Variants in ARHGAP29 observed in about 807,000 individuals in gnomAD.
ARHGAP29 encodes Rho GTPase activating protein 29.
Under a neutral mutation model 122.6 loss-of-function variants are expected in ARHGAP29, and 43 were observed. The ratio of observed to expected loss-of-function variants is 0.35; its 90% confidence interval spans 0.27 to 0.45. The LOEUF (loss-of-function observed/expected upper bound fraction) is 0.45. ARHGAP29 is among the 20% of genes least tolerant of loss of function. The pLI is 1.00. For missense variants in ARHGAP29, 1,303 were observed against 1,477.2 expected (o/e 0.88, Z 1.93); for synonymous variants, 506 against 497.1 (o/e 1.02, Z -0.24).
At chr1:94,232,266 T>TATC (rs397781330) in intron 1 of ARHGAP29, among the ~76,000 whole-genome samples, 3 of 151,660 alleles carry the variant, frequency 2.0e-5, no homozygotes, top group African/African-American at 7.3e-5. Flanking sequence ...CTCATGAGAT[T>TATC]GTAGGGATTA....
At chr1:94,174,853 AT>A (rs2101321293) in intron 22 of ARHGAP29, 104 bp from the exon 23 acceptor site, 7 of 1,286,038 alleles carry the variant, frequency 5.4e-6, no homozygotes, top group Admixed American at 4.6e-5. Flanking sequence ...AGTCTTACAT[AT>A]TTTTTCCAAA....
the ARHGAP29 span, among the ~76,000 whole-genome samples, chr1:94,297,771 T>C: frequency 2.0e-5 from 3 of 152,134 alleles, no homozygotes; most frequent in Non-Finnish European, 2.9e-5. Flanking sequence ...CCTCTTCCTC[T>C]GAGTTGTGTG....
chr1:94,260,946 T>C (rs146548478), intron 1 of ARHGAP29, among the ~76,000 whole-genome samples: 172 of 152,282 alleles, frequency 1.1e-3, no homozygotes, highest in African/African-American at 4.0e-3. Flanking sequence ...CTGTTGAGTG[T>C]TTCCTGACTT....
At chr1:94,219,007 G>T (rs143402485) in intron 3 of ARHGAP29, among the ~76,000 whole-genome samples, 1 of 151,876 alleles carries the variant, frequency 6.6e-6, no homozygotes, top group Non-Finnish European at 1.5e-5. Flanking sequence ...TGACCTTTTC[G>T]ACTCAGGACC....
At chr1:94,205,348 G>T in intron 6 of ARHGAP29, 150 bp from the exon 7 acceptor site, 1 of 647,130 alleles carries the variant, frequency 1.5e-6, no homozygotes, top group Non-Finnish European at 2.4e-6. Flanking sequence ...AAAGGCCAGA[G>T]TTTAAACTTA....
At chr1:94,189,815 G>A (rs1650027893) in intron 13 of ARHGAP29, 111 bp downstream of exon 13, 2 of 1,058,572 alleles carry the variant, frequency 1.9e-6, no homozygotes, top group South Asian at 3.0e-5. Context: ...AAAGAACTCA[G>A]AAAATTTTTA....
At chr1:94,289,563 TGC>T in the ARHGAP29 span, among the ~76,000 whole-genome samples, 6 of 152,240 alleles carry the variant, frequency 3.9e-5, no homozygotes, top group Non-Finnish European at 8.8e-5. Context: ...CATCCTTGTC[TGC>T]TGTCGGTTTT....
chr1:94,300,141 G>A, the ARHGAP29 span, among the ~76,000 whole-genome samples: 7 of 152,138 alleles, frequency 4.6e-5, no homozygotes, highest in Non-Finnish European at 8.8e-5. Flanking sequence ...CTGAGAGCTG[G>A]GCTGGAGGCT....
chr1:94,258,624 A>G (rs947391219), intron 1 of ARHGAP29, among the ~76,000 whole-genome samples: 16 of 152,214 alleles, frequency 1.1e-4, no homozygotes, highest in Admixed American at 2.6e-4. Context: ...GGAAGGGTCC[A>G]GGAGACAACA....
the ARHGAP29 span, among the ~76,000 whole-genome samples, chr1:94,304,944 G>A: frequency 1.2e-3 from 182 of 152,340 alleles, 1 homozygote; most frequent in Non-Finnish European, 2.3e-3. Context: ...AGAGGTAGAT[G>A]TCTCTTGCTG....
At chr1:94,241,279 G>A (rs969002097), upstream of ARHGAP29, among the ~76,000 whole-genome samples, 1 of 152,034 alleles carries the variant, frequency 6.6e-6, no homozygotes, top group Admixed American at 6.5e-5. Flanking sequence ...TAAACTGCAG[G>A]AAAAAAGATG....
chr1:94,176,794 G>T (rs1649119594), intron 22 of ARHGAP29: 1 of 150,012 alleles, frequency 6.7e-6, no homozygotes, highest in Non-Finnish European at 1.5e-5. Context: ...CTTTTAGTAG[G>T]CGGGGTTTCA....
At chr1:94,260,385 C>A (rs1654514436) in intron 1 of ARHGAP29, among the ~76,000 whole-genome samples, 1 of 152,182 alleles carries the variant, frequency 6.6e-6, no homozygotes, top group East Asian at 1.9e-4. Context: ...GGATTTCTTA[C>A]ACTTTCAATT....
At chr1:94,292,698 C>T in the ARHGAP29 span, among the ~76,000 whole-genome samples, 1 of 152,340 alleles carries the variant, frequency 6.6e-6, no homozygotes, top group South Asian at 2.1e-4. Flanking sequence ...AGTTTTCCTT[C>T]TAACAGACAG....
In ARHGAP29 at chr1:94,177,984, C is replaced by A. The variant is rs1413902045; in HGVS notation, c.2664G>T (p.Gly888=). 6.2e-7 allele frequency: 1 copy of A among 1,614,106 alleles called. No individual in the cohort carries two copies. The highest frequency in any genetic ancestry group is 1.7e-5 in the Admixed American group (1 of 60,012). ...LITYSQKIFD[G]SLQPQDVMCS... ...ACATAACATCTTGTGGTTGTAGGGA[C>A]CCATCGAAGATCTTCTGTGAGTAAG... The change falls in exon 21 of 23, where the codon GGG becomes GGT. Residue 888 remains glycine (G), a synonymous_variant. Transcript: ENST00000260526.
chr1:94,283,399 C>A, the ARHGAP29 span, among the ~76,000 whole-genome samples: 3 of 152,274 alleles, frequency 2.0e-5, no homozygotes, highest in East Asian at 5.8e-4. Context: ...TCCCAAGCAC[C>A]ACTCCTGTCC....
chr1:94,241,749 T>TATA (rs1553213180), upstream of ARHGAP29, among the ~76,000 whole-genome samples: 3 of 131,316 alleles, frequency 2.3e-5, no homozygotes, highest in South Asian at 7.1e-4. Context: ...TATATATATA[T>TATA]AAAATCAAAT....
intron 3 of ARHGAP29, among the ~76,000 whole-genome samples, chr1:94,211,055 T>G (rs1320486185): frequency 1.3e-5 from 2 of 151,306 alleles, no homozygotes; most frequent in African/African-American, 4.9e-5. Context: ...GAGGCCGAGG[T>G]GGACAGATTG....
chr1:94,194,347 C>A (rs1650311482), intron 12 of ARHGAP29: 1 of 151,948 alleles, frequency 6.6e-6, no homozygotes. Context: ...TACCAGAATG[C>A]TTATTTTGTA....
Sources: gnomAD v4.1 joint callset for allele counts (sites outside exome capture counted in the v4.1 genomes callset) on GRCh38, gnomAD v4.1.1 for gene constraint, MANE v1.5 for transcripts, NCBI Gene and HGNC (gene_info 2026-07-23, HGNC 2026-07-21) for gene names.